PCSK2: variants seen among roughly 807,000 people sequenced by gnomAD.
PCSK2 encodes the protein proprotein convertase subtilisin/kexin type 2, also known as neuroendocrine convertase 2.
A neutral mutation model predicts 69.7 loss-of-function variants in PCSK2; 14 were observed. The ratio of observed to expected loss-of-function variants is 0.20; its 90% CI spans 0.13 to 0.31. The LOEUF is 0.31. Among genes scored for constraint, PCSK2 ranks in the 10% least tolerant of loss-of-function variants. PCSK2 has a pLI of 1.00. For missense variants in PCSK2, 544 were observed against 842.5 expected, an observed-to-expected ratio of 0.65 and a Z score of 4.39; for synonymous variants, 307 against 320.7, an observed-to-expected ratio of 0.96 and a Z score of 0.46.
intron 2 of PCSK2, among the ~76,000 whole-genome samples, chr20:17,268,060 T>TATATATATATATATATAAAA (rs1395373344): frequency 2.1e-5 from 3 of 146,172 alleles, no homozygotes; most frequent in African/African-American, 7.6e-5. Context: ...TATATATATA[T>TATATATATATATATATAAAA]ATAATGCATT....
chr20:17,375,626 C>A (rs906008372), intron 5 of PCSK2, among the ~76,000 whole-genome samples: 2 of 152,174 alleles, frequency 1.3e-5, no homozygotes, highest in Non-Finnish European at 2.9e-5. Flanking sequence ...CCAGGGAAAT[C>A]TCCTGGTATT....
intron 1 of PCSK2, among the ~76,000 whole-genome samples, chr20:17,233,735 G>C (rs1342800819): frequency 1.3e-5 from 2 of 152,184 alleles, no homozygotes; most frequent in African/African-American, 2.4e-5. Flanking sequence ...AGGCTGAAGA[G>C]CTAAGCACCA....
intron 5 of PCSK2, among the ~76,000 whole-genome samples, chr20:17,401,605 T>C (rs1251537090): frequency 6.6e-6 from 1 of 152,194 alleles, no homozygotes; most frequent in Non-Finnish European, 1.5e-5. Context: ...ATCAAAAGAT[T>C]GAAATTACAC....
chr20:17,438,247 C>G (rs2032525686), intron 8 of PCSK2, among the ~76,000 whole-genome samples: 1 of 152,200 alleles, frequency 6.6e-6, no homozygotes, highest in South Asian at 2.1e-4. Flanking sequence ...TAAAATGCAT[C>G]TGCTCCACAT....
intron 2 of PCSK2, among the ~76,000 whole-genome samples, chr20:17,347,449 T>C (rs1990680274): frequency 6.6e-6 from 1 of 152,014 alleles, no homozygotes; most frequent in African/African-American, 2.4e-5. Context: ...TCTTCCATAA[T>C]CTCCCACATC....
At position 17,293,227 on chromosome 20, in the gene PCSK2, C is replaced by T. The variant is rs558031837; in HGVS notation, c.282+32883C>T. Among the ~76,000 whole-genome samples the T allele has an allele frequency of 2.1e-3, 314 of 152,222 alleles. 1 individual carries two copies. The highest frequency in any genetic ancestry group is 5.0e-3 in the South Asian group (24 of 4,824). ...TGCTGAACTCTTATTAATTAAGGCACCTATAAAATGATTCTCTCAAATTTT... is the reference window on the plus strand; with the variant it reads ...TGCTGAACTCTTATTAATTAAGGCATCTATAAAATGATTCTCTCAAATTTT... On this transcript the variant is annotated intron_variant, in intron 2 of 11. Coordinates refer to ENST00000262545, the MANE Select transcript of PCSK2 (RefSeq NM_002594.5).
At chr20:17,316,489 T>C (rs2123122007) in intron 2 of PCSK2, among the ~76,000 whole-genome samples, 1 of 152,320 alleles carries the variant, frequency 6.6e-6, no homozygotes, top group East Asian at 1.9e-4. Context: ...CCCTTCCCTG[T>C]CTCCCTTTCT....
chr20:17,365,625 A>G (rs1316423875), intron 4 of PCSK2, among the ~76,000 whole-genome samples: 1 of 152,210 alleles, frequency 6.6e-6, no homozygotes, highest in Non-Finnish European at 1.5e-5. Context: ...TCCTGAGGCA[A>G]ATTGCTCTCC....
intron 5 of PCSK2, among the ~76,000 whole-genome samples, chr20:17,403,475 C>G (rs767940821): frequency 6.6e-6 from 1 of 152,222 alleles, no homozygotes; most frequent in Non-Finnish European, 1.5e-5. Context: ...TCTTTAGGCT[C>G]TAATGGACTG....
intron 2 of PCSK2, among the ~76,000 whole-genome samples, chr20:17,354,065 C>G (rs115860866): frequency 0.013 from 1,912 of 152,288 alleles, 13 homozygotes; most frequent in East Asian, 0.034. Flanking sequence ...TACTACCTGG[C>G]TGATGGGATC....
intron 1 of PCSK2, among the ~76,000 whole-genome samples, chr20:17,247,989 T>C (rs1047290196): frequency 6.6e-6 from 1 of 152,060 alleles, no homozygotes; most frequent in Non-Finnish European, 1.5e-5. Context: ...ATCCATACAT[T>C]TTTGTGGCAT....
chr20:17,287,928 C>A (rs964971653), intron 2 of PCSK2, among the ~76,000 whole-genome samples: 5 of 152,188 alleles, frequency 3.3e-5, no homozygotes, highest in Non-Finnish European at 7.3e-5. Flanking sequence ...ATGTACCCTC[C>A]CCCAGCTCAC....
intron 11 of PCSK2, 61 bp from the exon 12 acceptor site, chr20:17,481,523 A>C: frequency 1.3e-6 from 2 of 1,539,916 alleles, no homozygotes; most frequent in Non-Finnish European, 1.8e-6. Context: ...GCTGCCCTCA[A>C]AATCCCTTGT....
intron 1 of PCSK2, 93 bp from the exon 2 acceptor site, chr20:17,260,147 T>C (rs1364433287): frequency 1.8e-5 from 14 of 777,850 alleles, no homozygotes; most frequent in Non-Finnish European, 3.0e-5. Flanking sequence ...CCCTACCCCA[T>C]GGAGCCCCTG....
intron 5 of PCSK2, among the ~76,000 whole-genome samples, chr20:17,381,724 G>A (rs974257723): frequency 2.6e-5 from 4 of 152,142 alleles, no homozygotes; most frequent in Admixed American, 6.5e-5. Context: ...TGTTCAAGGC[G>A]TTGAAGCTAT....
intron 1 of PCSK2, among the ~76,000 whole-genome samples, chr20:17,252,988 A>G (rs924630062): frequency 1.3e-5 from 2 of 152,232 alleles, no homozygotes; most frequent in African/African-American, 2.4e-5. Flanking sequence ...GAGAATGGGA[A>G]AAAGGATATT....
intron 4 of PCSK2, among the ~76,000 whole-genome samples, chr20:17,365,663 T>A (rs1397821820): frequency 6.6e-6 from 1 of 152,176 alleles, no homozygotes; most frequent in Non-Finnish European, 1.5e-5. Context: ...ATCAAACAAG[T>A]TACGTGTTTC....
chr20:17,300,394 T>A (rs969247914), intron 2 of PCSK2, among the ~76,000 whole-genome samples: 3 of 152,198 alleles, frequency 2.0e-5, no homozygotes, highest in Non-Finnish European at 4.4e-5. Context: ...CATAGATGGG[T>A]TCCCCAGAGG....
rs555412229 is a variant in PCSK2, at chr20:17,403,631, C to T, written c.544-5632C>T. Among the ~76,000 whole-genome samples the T allele has an allele frequency of 3.3e-5, 5 of 152,316 alleles. No individual in the cohort carries two copies. The South Asian group carries it at 8.3e-4, about 25-fold the overall frequency. On this transcript the variant is annotated intron_variant, in intron 5 of 11. Coordinates refer to ENST00000262545, the MANE Select transcript of PCSK2 (RefSeq NM_002594.5). ...TTTCAGCTAATACTGTTACACAGCT[C>T]CTAGCTGGGTTATTTGGTTAAATGC...
Sources: gnomAD v4.1 joint callset for allele counts (sites outside exome capture counted in the v4.1 genomes callset) on GRCh38, gnomAD v4.1.1 for gene constraint, MANE v1.5 for transcripts, NCBI Gene and HGNC (gene_info 2026-07-23, HGNC 2026-07-21) for gene names.